The following P4HA1 variants were observed in gnomAD, a reference collection of about 807,000 sequenced individuals.
P4HA1 encodes the protein prolyl 4-hydroxylase subunit alpha 1.
A neutral mutation model predicts 72.8 loss-of-function variants in P4HA1; 24 were observed. The observed-to-expected ratio is 0.33, with a 90% CI of 0.24 to 0.46. The LOEUF is 0.46. Ranked by LOEUF, P4HA1 falls within the 20% of genes least tolerant of loss-of-function variation. P4HA1 has a pLI of 1.00. For synonymous variants in P4HA1, 201 were observed against 218.8 expected (o/e 0.92, Z 0.72); for missense variants, 446 against 640.6 (o/e 0.70, Z 3.28).
At chr10:73,090,118 G>T (rs1266122408) in intron 1 of P4HA1, among the ~76,000 whole-genome samples, 1 of 150,872 alleles carries the variant, frequency 6.6e-6, no homozygotes, top group Non-Finnish European at 1.5e-5. Flanking sequence ...ACAGGTGTGA[G>T]CCACTGCGCC....
At position 73,022,770 on chromosome 10, in the gene P4HA1, C is replaced by T. The variant is rs145360049; in HGVS notation, c.1249-5871G>A. 3.9e-5 allele frequency among the ~76,000 whole-genome samples: 6 copies of T among 152,230 alleles called. No homozygotes were observed. In the East Asian group the frequency reaches 1.2e-3, roughly 29 times the overall value. On this transcript the variant is annotated intron_variant, in intron 10 of 14. Transcript: ENST00000394890. ...GAAAAAAGGTTAGACGAATGGCTAA[C>T]TAGAACAAACAGTGTAGAGAAGACC...
chr10:73,051,649 C>T (rs1244401771), intron 6 of P4HA1, among the ~76,000 whole-genome samples: 1 of 152,116 alleles, frequency 6.6e-6, no homozygotes, highest in Non-Finnish European at 1.5e-5. Context: ...ATCCCAGCTA[C>T]TCAGGAGGCT....
At chr10:73,014,824 C>T (rs1164309268) in intron 11 of P4HA1, among the ~76,000 whole-genome samples, 5 of 149,214 alleles carry the variant, frequency 3.4e-5, no homozygotes, top group East Asian at 2.0e-4. Flanking sequence ...GTATTATTTT[C>T]TTTTTTCTTT....
chr10:73,053,437 G>A lies in P4HA1; in HGVS notation c.617C>T (p.Ser206Phe), dbSNP rs1278579191. 2.5e-6 allele frequency: 4 copies of A among 1,614,014 alleles called. No individual in the cohort carries two copies. ...CGCATAGCTCAAATAATCTAGAACA[G>A]AGACTTTATCTATGGTAGAAATCTC... ...EGEISTIDKVSVLDYLSYAVY... is the reference protein window; with the variant it reads ...EGEISTIDKVFVLDYLSYAVY... The change falls in exon 6 of 15, where the codon TCT (serine) becomes TTT (phenylalanine). Residue 206 changes from serine (S) to phenylalanine (F), a missense_variant. Coordinates refer to ENST00000394890, the MANE Select transcript of P4HA1 (RefSeq NM_001017962.3).
intron 12 of P4HA1, among the ~76,000 whole-genome samples, 153 bp downstream of exon 12, chr10:73,014,071 G>T (rs1839965815): frequency 6.6e-6 from 1 of 152,160 alleles, no homozygotes; most frequent in Non-Finnish European, 1.5e-5. Flanking sequence ...TGAAAAAGTT[G>T]CAAGTGCAAA....
intron 10 of P4HA1, 51 bp from the exon 11 acceptor site, chr10:73,016,950 T>G: frequency 7.0e-7 from 1 of 1,431,700 alleles, no homozygotes; most frequent in Non-Finnish European, 9.7e-7. Flanking sequence ...AGATTACTAT[T>G]CAAAAAAAAT....
intron 5 of P4HA1, among the ~76,000 whole-genome samples, chr10:73,054,196 G>A (rs1473018301): frequency 6.6e-6 from 1 of 152,068 alleles, no homozygotes; most frequent in Non-Finnish European, 1.5e-5. Flanking sequence ...ATAAGCCACC[G>A]CGCCCGGCCA....
At chr10:73,081,086 T>C (rs1192160161) in intron 1 of P4HA1, among the ~76,000 whole-genome samples, 1 of 152,136 alleles carries the variant, frequency 6.6e-6, no homozygotes, top group African/African-American at 2.4e-5. Flanking sequence ...TTATAAAATA[T>C]AAATGCCTCC....
At chr10:73,050,398 A>ATTT (rs112588235) in intron 7 of P4HA1, among the ~76,000 whole-genome samples, 410 of 150,322 alleles carry the variant, frequency 2.7e-3, no homozygotes, top group Middle Eastern at 0.014. Context: ...GTATACTGTA[A>ATTT]TTTTTTTTTT....
At chr10:73,029,839 G>A (rs1840393225) in intron 10 of P4HA1, among the ~76,000 whole-genome samples, 1 of 151,400 alleles carries the variant, frequency 6.6e-6, no homozygotes. Flanking sequence ...AAAAGTAACA[G>A]AAAAAGAGAA....
chr10:73,034,756 T>C (rs1209754775), intron 9 of P4HA1, among the ~76,000 whole-genome samples: 1 of 151,908 alleles, frequency 6.6e-6, no homozygotes, highest in Non-Finnish European at 1.5e-5. Flanking sequence ...GTTTTTTGTA[T>C]TTTTAGTAGA....
intron 9 of P4HA1, among the ~76,000 whole-genome samples, chr10:73,038,233 C>T (rs564138723): frequency 6.6e-5 from 10 of 151,782 alleles, no homozygotes; most frequent in African/African-American, 2.4e-4. Flanking sequence ...CCAGCCTGGG[C>T]GACAGAGTGA....
intron 5 of P4HA1, among the ~76,000 whole-genome samples, chr10:73,057,361 G>A (rs1435955152): frequency 5.3e-5 from 8 of 151,638 alleles, no homozygotes; most frequent in African/African-American, 1.9e-4. Flanking sequence ...GTGGTGGTGG[G>A]TGCTTGTAGT....
At chr10:73,040,067 G>A (rs953969747) in intron 9 of P4HA1, among the ~76,000 whole-genome samples, 7 of 151,610 alleles carry the variant, frequency 4.6e-5, no homozygotes, top group Admixed American at 2.6e-4. Context: ...ACAAGGTCTA[G>A]CTATACTATC....
intron 9 of P4HA1, among the ~76,000 whole-genome samples, chr10:73,043,710 T>C (rs1840789167): frequency 6.6e-6 from 1 of 152,210 alleles, no homozygotes; most frequent in Non-Finnish European, 1.5e-5. Flanking sequence ...AAACCCCTAT[T>C]AACTGCCCCA....
At chr10:73,041,391 A>G (rs1275969054) in intron 9 of P4HA1, among the ~76,000 whole-genome samples, 2 of 151,978 alleles carry the variant, frequency 1.3e-5, no homozygotes, top group Non-Finnish European at 2.9e-5. Flanking sequence ...AAAATACAAA[A>G]AATTAGCCGG....
At chr10:73,032,842 AAG>A (rs1213476560) in intron 9 of P4HA1, among the ~76,000 whole-genome samples, 1 of 152,210 alleles carries the variant, frequency 6.6e-6, no homozygotes, top group Non-Finnish European at 1.5e-5. Flanking sequence ...ATGGAGAAGA[AAG>A]AAGTTTTTAC....
intron 6 of P4HA1, 42 bp from the exon 7 acceptor site, chr10:73,051,291 G>A (rs1212999884): frequency 9.9e-7 from 1 of 1,013,778 alleles, no homozygotes; most frequent in Admixed American, 2.0e-5. Context: ...GTAAGTTCAT[G>A]CTTGTTCAAG....
chr10:73,031,478 C>T (rs1204575702), intron 9 of P4HA1, among the ~76,000 whole-genome samples: 2 of 152,204 alleles, frequency 1.3e-5, no homozygotes, highest in Non-Finnish European at 2.9e-5. Context: ...GAGTGAGACC[C>T]TGTCTCTACA....
Sources: allele counts gnomAD v4.1 joint callset (sites outside exome capture counted in the v4.1 genomes callset), GRCh38; gene constraint gnomAD v4.1.1; transcripts MANE v1.5; gene names NCBI Gene and HGNC (gene_info 2026-07-23, HGNC 2026-07-21).